NWD1: variants seen among roughly 807,000 people sequenced by gnomAD.
NWD1 encodes NACHT and WD repeat domain containing 1.
A neutral mutation model predicts 135.1 loss-of-function variants in NWD1; 129 were observed. The observed-to-expected ratio is 0.96, with a 90% confidence interval of 0.83 to 1.11. The LOEUF is 1.11. NWD1 is among the 50% of genes least tolerant of loss of function. The pLI is 0.00. For synonymous variants in NWD1, 773 were observed against 786.0 expected (o/e 0.98, Z 0.28); for missense variants, 1,740 against 1,851.3 (o/e 0.94, Z 1.10).
intron 10 of NWD1, 106 bp from the exon 11 acceptor site, chr19:16,773,020 G>C: frequency 1.1e-6 from 1 of 894,508 alleles, no homozygotes; most frequent in Non-Finnish European, 1.9e-6. Flanking sequence ...CTGAGGTATT[G>C]TGTCTTCTTT....
intron 4 of NWD1, among the ~76,000 whole-genome samples, chr19:16,737,441 A>T (rs976260221): frequency 1.4e-4 from 22 of 151,774 alleles, no homozygotes; most frequent in Non-Finnish European, 2.1e-4. Context: ...TTTTTTTGGA[A>T]ATATGGGGTC....
chr19:16,726,937 A>C (rs928046866), intron 2 of NWD1, among the ~76,000 whole-genome samples: 1 of 148,326 alleles, frequency 6.7e-6, no homozygotes, highest in Non-Finnish European at 1.5e-5. Context: ...ATGGTCCCCA[A>C]GTGAGAACTG....
At position 16,816,266 on chromosome 19, in the gene NWD1, T is replaced by A. The variant is rs1971066076; in HGVS notation, c.*1227T>A. 1 of 152,194 alleles carries A rather than the reference T, an allele frequency of 6.6e-6. No homozygotes were observed. Among genetic ancestry groups the A allele is most frequent in the South Asian group, 2.1e-4 (1 of 4,824 alleles). The allele number at this position is 152,194 out of a possible 1,614,324, so 9.4% of individuals were successfully genotyped here. ...GCCCACTGCTGTCAGTGCTTCCAGT[T>A]GTAATAAGCAAAGCCAGAAATCCAG... On this transcript the variant is annotated 3_prime_UTR_variant, in exon 19 of 19. Coordinates refer to ENST00000524140, the MANE Select transcript of NWD1 (RefSeq NM_001007525.5).
intron 6 of NWD1, among the ~76,000 whole-genome samples, chr19:16,753,719 C>A (rs1968667449): frequency 6.6e-6 from 1 of 152,134 alleles, no homozygotes; most frequent in African/African-American, 2.4e-5. Context: ...AGAGAATGAT[C>A]CAGCCCCAGA....
At chr19:16,775,889 A>G (rs1200542773) in intron 11 of NWD1, among the ~76,000 whole-genome samples, 1 of 152,058 alleles carries the variant, frequency 6.6e-6, no homozygotes, top group African/African-American at 2.4e-5. Context: ...GCTGGTCTCA[A>G]ACTCCTGACC....
At chr19:16,788,232 AAATAATAATAATAAT>A (rs200511332) in intron 12 of NWD1, among the ~76,000 whole-genome samples, 4,337 of 115,378 alleles carry the variant, frequency 0.038, 229 homozygotes, top group African/African-American at 0.12. Context: ...CTTCATCTCA[AAATAATAATAATAAT>A]AATAATAATA....
At position 16,815,382 on chromosome 19, in the gene NWD1, C is replaced by T. The variant is rs1971041298; in HGVS notation, c.*343C>T. ...GGGTATGGGGCTCCAGTGAGTTAGC[C>T]CCATTTAATCTAGTTAAAGCAAAAA... On this transcript the variant is annotated 3_prime_UTR_variant, in exon 19 of 19. Transcript: ENST00000524140. The T allele has an allele frequency of 1.5e-6, 1 of 656,566 alleles. No homozygotes were observed. The highest frequency in any genetic ancestry group is 2.7e-6 in the Non-Finnish European group (1 of 364,906). The allele number at this position is 656,566 out of a possible 1,614,324, so 40.7% of individuals were successfully genotyped here.
intron 10 of NWD1, among the ~76,000 whole-genome samples, chr19:16,770,393 CGTGATT>C (rs1213985766): frequency 3.3e-5 from 5 of 152,162 alleles, no homozygotes; most frequent in Non-Finnish European, 5.9e-5. Context: ...CCCCTTCCAC[CGTGATT>C]GTAAGTTTCC....
chr19:16,729,137 G>C (rs1967452701), intron 2 of NWD1, among the ~76,000 whole-genome samples: 1 of 151,914 alleles, frequency 6.6e-6, no homozygotes, highest in Non-Finnish European at 1.5e-5. Context: ...GCCAGACTGA[G>C]AACCCAACTT....
At chr19:16,723,885 G>A (rs531723124) in intron 1 of NWD1, among the ~76,000 whole-genome samples, 2 of 151,974 alleles carry the variant, frequency 1.3e-5, no homozygotes, top group Non-Finnish European at 2.9e-5. Flanking sequence ...TAGTAGAGAC[G>A]GGGTTTCACC....
intron 1 of NWD1, among the ~76,000 whole-genome samples, chr19:16,724,033 T>C (rs1284213452): frequency 1.3e-5 from 2 of 152,106 alleles, no homozygotes; most frequent in South Asian, 2.1e-4. Flanking sequence ...TCCTAAGGAA[T>C]CATGGAGCTT....
At chr19:16,763,158 C>T (rs1218472998) in intron 8 of NWD1, among the ~76,000 whole-genome samples, 1 of 151,916 alleles carries the variant, frequency 6.6e-6, no homozygotes, top group Admixed American at 6.6e-5. Context: ...TGCCCAGAGT[C>T]CCTGCAGACT....
At chr19:16,740,288 G>C (rs1288302668) in intron 4 of NWD1, among the ~76,000 whole-genome samples, 2 of 152,008 alleles carry the variant, frequency 1.3e-5, no homozygotes, top group African/African-American at 4.8e-5. Context: ...GCCAGAGGAA[G>C]AGTCTGTCTC....
At chr19:16,770,330 C>G (rs1969370754) in intron 10 of NWD1, among the ~76,000 whole-genome samples, 1 of 152,144 alleles carries the variant, frequency 6.6e-6, no homozygotes, top group South Asian at 2.1e-4. Flanking sequence ...CCCCTTTGCT[C>G]AGCTCTCATT....
In NWD1 at chr19:16,800,050, T is replaced by C. The variant is rs1970551071; in HGVS notation, c.3624T>C (p.Pro1208=). ...GCGATGCTCATAGGTCCCGGGTGCC[T>C]GCACCATTTCTGGACCGCACCGGCC... is the stretch of plus-strand genomic sequence containing the variant. ...DLSDAHRSRV[P]APFLDRTGLT... Residue 1208 remains proline, a synonymous_variant, in exon 17 of 19, where the codon CCT becomes CCC. Coordinates refer to ENST00000524140, the MANE Select transcript of NWD1 (RefSeq NM_001007525.5). The C allele has an allele frequency of 6.2e-7, 1 of 1,614,210 alleles. No individual in the cohort carries two copies. Among genetic ancestry groups the C allele is most frequent in the Non-Finnish European group, 8.5e-7 (1 of 1,180,010 alleles).
intron 4 of NWD1, among the ~76,000 whole-genome samples, chr19:16,739,153 T>G (rs1409105984): frequency 6.8e-6 from 1 of 147,070 alleles, no homozygotes; most frequent in African/African-American, 2.5e-5. Context: ...GTTTAATTTT[T>G]CAAAGGAGCC....
intron 4 of NWD1, among the ~76,000 whole-genome samples, chr19:16,738,886 A>G (rs185908504): frequency 7.0e-6 from 1 of 141,938 alleles, no homozygotes; most frequent in Non-Finnish European, 1.5e-5. Context: ...ATTATATATT[A>G]TATATATATA....
Position 16,750,195 on chromosome 19 carries a change from T to C in NWD1, c.1553T>C (p.Val518Ala), listed in dbSNP as rs774105212. The C allele has an allele frequency of 6.2e-7, 1 of 1,613,352 alleles. No homozygotes were observed. The change falls in exon 6 of 19, where the codon GTG becomes GCG. Residue 518 changes from valine to alanine, a missense_variant. Val to Ala is a moderately conservative substitution (Grantham distance 64, BLOSUM62 0). Transcript: ENST00000524140. ...LAAARRTLSP[V>A]HTDLLWASLP... Reference sequence around the variant, plus strand: ...GCTGCAAGGAGGACGCTGAGCCCGGTGCACACAGATTTGCTCTGGGCCAGC... The same window carrying C: ...GCTGCAAGGAGGACGCTGAGCCCGGCGCACACAGATTTGCTCTGGGCCAGC...
rs1041997248 is a variant in NWD1 at position 16,786,076 on chromosome 19, G to T, written c.2732-2906G>T. Among the ~76,000 whole-genome samples the T allele has an allele frequency of 2.6e-5, 4 of 152,162 alleles. No individual in the cohort carries two copies. The East Asian group carries it at 7.7e-4, about 29-fold the overall frequency. Reference sequence around the variant, plus strand: ...AACAAGGTTTTGCCATGTTGGCCAGGCTAGTCTCGAACCCCTGACCTCAAC... The same window carrying T: ...AACAAGGTTTTGCCATGTTGGCCAGTCTAGTCTCGAACCCCTGACCTCAAC... On this transcript the variant is annotated intron_variant, in intron 12 of 18. Coordinates refer to ENST00000524140, the MANE Select transcript of NWD1 (RefSeq NM_001007525.5).
Sources: gnomAD v4.1 joint callset for allele counts (sites outside exome capture counted in the v4.1 genomes callset) on GRCh38, gnomAD v4.1.1 for gene constraint, MANE v1.5 for transcripts, NCBI Gene and HGNC (gene_info 2026-07-23, HGNC 2026-07-21) for gene names.